Variants in GSK3B observed in about 807,000 individuals in gnomAD.
The protein encoded by GSK3B is glycogen synthase kinase-3 beta.
In GSK3B, 15 loss-of-function variants were observed where a neutral mutation model predicts 56.4. That is an observed-to-expected ratio of 0.27 (90% confidence interval 0.18 to 0.41). The LOEUF (loss-of-function observed/expected upper bound fraction) is 0.41. Ranked by LOEUF, GSK3B falls within the 10% of genes least tolerant of loss-of-function variation. The pLI, the probability that GSK3B is intolerant of heterozygous loss-of-function variation, is 1.00. For missense variants in GSK3B, 300 were observed against 513.4 expected, an observed-to-expected ratio of 0.58 and a Z score of 4.02; for synonymous variants, 181 against 188.9, an observed-to-expected ratio of 0.96 and a Z score of 0.34.
At chr3:119,992,832 T>C (rs2057577606) in intron 2 of GSK3B, among the ~76,000 whole-genome samples, 1 of 152,038 alleles carries the variant, frequency 6.6e-6, no homozygotes, top group African/African-American at 2.4e-5. Flanking sequence ...GAAAAGATGT[T>C]AAAGTGTACT....
intron 1 of GSK3B, among the ~76,000 whole-genome samples, chr3:120,022,675 G>A (rs1295585272): frequency 6.6e-6 from 1 of 152,214 alleles, no homozygotes; most frequent in East Asian, 1.9e-4. Flanking sequence ...CAAGGCGGAA[G>A]AGTACTGTCA....
intron 2 of GSK3B, among the ~76,000 whole-genome samples, chr3:119,975,379 G>A (rs777091457): frequency 2.0e-5 from 3 of 152,174 alleles, no homozygotes; most frequent in African/African-American, 4.8e-5. Context: ...CCTGGGAGGC[G>A]GAAGTTGCAG....
At chr3:119,837,242 C>T (rs2055704870) in intron 10 of GSK3B, among the ~76,000 whole-genome samples, 1 of 152,264 alleles carries the variant, frequency 6.6e-6, no homozygotes, top group East Asian at 1.9e-4. Context: ...GCAAGCTCCG[C>T]CTCCCGGGTT....
At chr3:120,005,535 G>A (rs1576264652) in intron 1 of GSK3B, among the ~76,000 whole-genome samples, 1 of 152,152 alleles carries the variant, frequency 6.6e-6, no homozygotes, top group Admixed American at 6.5e-5. Flanking sequence ...GAAAGGTTGG[G>A]TTACCCACAA....
chr3:120,077,648 T>A (rs559738383), intron 1 of GSK3B, among the ~76,000 whole-genome samples: 1 of 151,472 alleles, frequency 6.6e-6, no homozygotes, highest in South Asian at 2.1e-4. Context: ...TTGCTCTTGG[T>A]AGGGGCGAGG....
intron 1 of GSK3B, among the ~76,000 whole-genome samples, chr3:120,007,707 A>G (rs1206949218): frequency 6.6e-6 from 1 of 152,242 alleles, no homozygotes; most frequent in Non-Finnish European, 1.5e-5. Context: ...GCATTCAACA[A>G]AATTCAACAG....
chr3:119,900,587 T>G (rs562587647), intron 7 of GSK3B, among the ~76,000 whole-genome samples: 1 of 152,224 alleles, frequency 6.6e-6, no homozygotes, highest in African/African-American at 2.4e-5. Context: ...CTTCCTAGAT[T>G]GCTTATATGG....
intron 9 of GSK3B, among the ~76,000 whole-genome samples, chr3:119,861,184 A>G (rs1329374059): frequency 6.6e-6 from 1 of 152,174 alleles, no homozygotes; most frequent in African/African-American, 2.4e-5. Context: ...CACTGCTCCA[A>G]AATTAGAATA....
At chr3:119,865,478 T>A (rs978007592) in intron 8 of GSK3B, among the ~76,000 whole-genome samples, 1 of 110,002 alleles carries the variant, frequency 9.1e-6, no homozygotes, top group African/African-American at 3.3e-5. Flanking sequence ...TTTTTTTTTT[T>A]TTTTTTTTTT....
intron 1 of GSK3B, among the ~76,000 whole-genome samples, chr3:120,043,984 G>C (rs542223000): frequency 6.6e-6 from 1 of 152,310 alleles, no homozygotes; most frequent in African/African-American, 2.4e-5. Context: ...TGGTTGAAAT[G>C]CATCAAAAAT....
At chr3:119,859,829 T>A (rs1179329526) in intron 9 of GSK3B, among the ~76,000 whole-genome samples, 2 of 152,156 alleles carry the variant, frequency 1.3e-5, no homozygotes, top group African/African-American at 4.8e-5. Context: ...CCAAATATCC[T>A]GTTTCAACTC....
chr3:119,847,461 CAA>C (rs1325816713), intron 9 of GSK3B, among the ~76,000 whole-genome samples: 2 of 152,008 alleles, frequency 1.3e-5, no homozygotes, highest in African/African-American at 4.8e-5. Flanking sequence ...GCCTGGGCGA[CAA>C]GAGCGAAACT....
intron 1 of GSK3B, among the ~76,000 whole-genome samples, chr3:120,053,506 G>C (rs531773056): frequency 6.6e-6 from 1 of 152,290 alleles, no homozygotes; most frequent in African/African-American, 2.4e-5. Context: ...TGTAGTAATA[G>C]GGACTACTAT....
intron 1 of GSK3B, among the ~76,000 whole-genome samples, chr3:120,035,069 G>T (rs1030213899): frequency 1.3e-5 from 2 of 152,076 alleles, no homozygotes; most frequent in Non-Finnish European, 2.9e-5. Flanking sequence ...CTCCAGCCTG[G>T]GCGAGAGAGT....
intron 1 of GSK3B, among the ~76,000 whole-genome samples, chr3:120,071,493 C>T (rs1459092350): frequency 1.3e-5 from 2 of 152,278 alleles, no homozygotes; most frequent in East Asian, 3.9e-4. Context: ...TGAGCTCTGC[C>T]GCCTGTAAGA....
intron 1 of GSK3B, among the ~76,000 whole-genome samples, chr3:120,057,139 T>C (rs1165035586): frequency 1.3e-5 from 2 of 152,172 alleles, no homozygotes; most frequent in Non-Finnish European, 2.9e-5. Context: ...AGCAAGATTC[T>C]GTCTCAAAAA....
At chr3:119,918,976 G>C (rs2056809342) in intron 4 of GSK3B, among the ~76,000 whole-genome samples, 1 of 152,064 alleles carries the variant, frequency 6.6e-6, no homozygotes, top group African/African-American at 2.4e-5. Flanking sequence ...TTTTGTTCAT[G>C]ATTCAAAAAA....
intron 1 of GSK3B, among the ~76,000 whole-genome samples, chr3:120,093,055 C>A (rs889373171): frequency 6.6e-6 from 1 of 152,172 alleles, no homozygotes; most frequent in Non-Finnish European, 1.5e-5. Flanking sequence ...CGTGGAAACA[C>A]TCGAGCACTT....
intron 1 of GSK3B, among the ~76,000 whole-genome samples, chr3:120,079,743 T>C (rs1196389019): frequency 6.6e-6 from 1 of 152,148 alleles, no homozygotes; most frequent in Non-Finnish European, 1.5e-5. Context: ...GTAAAAGTTA[T>C]TCCTGATGTT....
Sources: allele counts gnomAD v4.1 joint callset (sites outside exome capture counted in the v4.1 genomes callset), GRCh38; gene constraint gnomAD v4.1.1; transcripts MANE v1.5; gene names NCBI Gene and HGNC (gene_info 2026-07-23, HGNC 2026-07-21).